The following BMPR1B variants were observed in gnomAD, a reference collection of about 807,000 sequenced individuals.
The protein encoded by BMPR1B is bone morphogenetic protein receptor type 1B, also known as bone morphogenetic protein receptor type-1B.
Under a neutral mutation model 59.1 loss-of-function variants are expected in BMPR1B, and 12 were observed. The observed-to-expected ratio is 0.20, with a 90% CI of 0.13 to 0.33. The LOEUF (loss-of-function observed/expected upper bound fraction) is 0.33, where lower values mean the gene tolerates loss of function less well. Ranked by LOEUF, BMPR1B falls within the 10% of genes least tolerant of loss-of-function variation. The pLI is 1.00. For missense variants in BMPR1B, 550 were observed against 610.9 expected (o/e 0.90, Z 1.05); for synonymous variants, 237 against 207.3 (o/e 1.14, Z -1.23).
chr4:95,124,744 TA>T (rs558258958), intron 7 of BMPR1B, among the ~76,000 whole-genome samples: 175 of 152,210 alleles, frequency 1.1e-3, no homozygotes, highest in African/African-American at 3.8e-3. Flanking sequence ...AGAAAAATTG[TA>T]GATGCTTGAG....
At chr4:95,136,536 G>C (rs1035126132) in intron 10 of BMPR1B, among the ~76,000 whole-genome samples, 1 of 152,096 alleles carries the variant, frequency 6.6e-6, no homozygotes, top group Non-Finnish European at 1.5e-5. Flanking sequence ...AATCCATGTG[G>C]TCCTAGACTT....
At chr4:94,829,287 G>A (rs1724488703) in intron 1 of BMPR1B, among the ~76,000 whole-genome samples, 1 of 146,910 alleles carries the variant, frequency 6.8e-6, no homozygotes. Flanking sequence ...TCTTTATGAT[G>A]TTGCTCTTAG....
intron 2 of BMPR1B, among the ~76,000 whole-genome samples, chr4:94,885,704 G>A (rs1727146276): frequency 6.6e-6 from 1 of 151,936 alleles, no homozygotes; most frequent in Non-Finnish European, 1.5e-5. Context: ...AATCATCTAG[G>A]ATTTAAAAAT....
chr4:94,961,467 T>C (rs1381588144), intron 2 of BMPR1B, among the ~76,000 whole-genome samples: 2 of 152,200 alleles, frequency 1.3e-5, no homozygotes, highest in Admixed American at 1.3e-4. Context: ...TTTATCATTC[T>C]TTTTTTCTGT....
chr4:94,926,756 T>G (rs561645749), intron 2 of BMPR1B, among the ~76,000 whole-genome samples: 3 of 152,070 alleles, frequency 2.0e-5, no homozygotes, highest in African/African-American at 7.2e-5. Context: ...TTTTTGTGGT[T>G]TAAAAAAATA....
At chr4:95,054,949 C>T (rs2149194732) in intron 3 of BMPR1B, among the ~76,000 whole-genome samples, 1 of 152,102 alleles carries the variant, frequency 6.6e-6, no homozygotes, top group Non-Finnish European at 1.5e-5. Context: ...ATAATTTTTC[C>T]CCTATAAAAT....
intron 1 of BMPR1B, among the ~76,000 whole-genome samples, chr4:94,761,914 G>A (rs1273119256): frequency 1.3e-5 from 2 of 152,114 alleles, no homozygotes. Context: ...CGGCTAGAAA[G>A]GTAGATTAAA....
intron 2 of BMPR1B, among the ~76,000 whole-genome samples, chr4:94,895,749 T>G (rs1245127807): frequency 1.3e-5 from 2 of 151,864 alleles, no homozygotes; most frequent in Non-Finnish European, 2.9e-5. Context: ...AACTCATGTT[T>G]CTTTTTGTTT....
At chr4:94,998,175 T>G (rs1019473697) in intron 3 of BMPR1B, among the ~76,000 whole-genome samples, 8 of 152,186 alleles carry the variant, frequency 5.3e-5, no homozygotes, top group African/African-American at 1.7e-4. Context: ...ATCCTGACAT[T>G]GGTTATCATA....
intron 1 of BMPR1B, among the ~76,000 whole-genome samples, chr4:94,849,796 GTGT>G (rs1725496210): frequency 1.3e-5 from 2 of 149,530 alleles, no homozygotes; most frequent in East Asian, 3.9e-4. Flanking sequence ...GTTTTTTGGT[GTGT>G]GTGTGTGTGT....
At chr4:94,790,535 C>A (rs979293953) in intron 1 of BMPR1B, among the ~76,000 whole-genome samples, 20 of 152,198 alleles carry the variant, frequency 1.3e-4, no homozygotes, top group African/African-American at 4.8e-4. Context: ...CGTTCTCAGC[C>A]CCGCCTAGAT....
At chr4:94,777,319 A>G (rs1273815747) in intron 1 of BMPR1B, among the ~76,000 whole-genome samples, 1 of 152,168 alleles carries the variant, frequency 6.6e-6, no homozygotes, top group Non-Finnish European at 1.5e-5. Flanking sequence ...AAATGAAAGT[A>G]GTTTTGAATA....
At chr4:95,000,995 G>C (rs1016172533) in intron 3 of BMPR1B, among the ~76,000 whole-genome samples, 3 of 152,098 alleles carry the variant, frequency 2.0e-5, no homozygotes, top group Non-Finnish European at 4.4e-5. Flanking sequence ...TTATCAATGG[G>C]CAGTTGTGGC....
In BMPR1B at chr4:94,971,504, A is replaced by T. The variant is rs191710217; in HGVS notation, c.-112-24536A>T. 8.8e-4 allele frequency among the ~76,000 whole-genome samples: 134 copies of T among 152,194 alleles called. 1 individual carries two copies. The highest frequency in any genetic ancestry group is 1.5e-3 in the Non-Finnish European group (104 of 67,956). ...CATACAATATTTTAATTTAATTCAG[A>T]GGTGCCTCAATTGCAGGCAGTGCTC... On this transcript the variant is annotated intron_variant, in intron 2 of 12. Coordinates refer to ENST00000515059, the MANE Select transcript of BMPR1B (RefSeq NM_001203.3).
intron 2 of BMPR1B, among the ~76,000 whole-genome samples, chr4:94,902,443 A>G (rs1233293623): frequency 6.6e-6 from 1 of 151,912 alleles, no homozygotes; most frequent in Non-Finnish European, 1.5e-5. Context: ...TATTCTGAAA[A>G]TTATTTATCT....
At chr4:95,058,083 G>A (rs906545754) in intron 3 of BMPR1B, among the ~76,000 whole-genome samples, 4 of 152,088 alleles carry the variant, frequency 2.6e-5, no homozygotes, top group Non-Finnish European at 4.4e-5. Context: ...TTTAGTTCTA[G>A]GACATTGTTA....
chr4:94,810,316 C>T (rs1157978041), intron 1 of BMPR1B, among the ~76,000 whole-genome samples: 1 of 152,146 alleles, frequency 6.6e-6, no homozygotes, highest in Non-Finnish European at 1.5e-5. Context: ...AAATACTAAG[C>T]AATATGTGGA....
At chr4:95,119,993 T>C (rs1270066500) in intron 6 of BMPR1B, among the ~76,000 whole-genome samples, 1 of 152,192 alleles carries the variant, frequency 6.6e-6, no homozygotes, top group East Asian at 1.9e-4. Context: ...GTAAGCATAG[T>C]ACCCAATAGG....
chr4:94,916,215 G>T (rs1277324883), intron 2 of BMPR1B, among the ~76,000 whole-genome samples: 1 of 152,186 alleles, frequency 6.6e-6, no homozygotes, highest in Admixed American at 6.5e-5. Flanking sequence ...AAAGATAACT[G>T]AAAATGTGGA....
Sources: allele counts gnomAD v4.1 joint callset (sites outside exome capture counted in the v4.1 genomes callset), GRCh38; gene constraint gnomAD v4.1.1; transcripts MANE v1.5; gene names NCBI Gene and HGNC (gene_info 2026-07-23, HGNC 2026-07-21).